The following SCMH1 variants were observed in gnomAD, a reference collection of about 807,000 sequenced individuals.
The protein encoded by SCMH1 is polycomb protein SCMH1.
Under a neutral mutation model 70.8 loss-of-function variants are expected in SCMH1, and 37 were observed. That is an observed-to-expected ratio of 0.52 (90% CI 0.40 to 0.69). The LOEUF is 0.69. Among genes scored for constraint, SCMH1 ranks in the 30% least tolerant of loss-of-function variants. The pLI, the probability that SCMH1 is intolerant of heterozygous loss-of-function variation, is 0.00. For synonymous variants in SCMH1, 292 were observed against 307.4 expected, an observed-to-expected ratio of 0.95 and a Z score of 0.52; for missense variants, 607 against 827.3, an observed-to-expected ratio of 0.73 and a Z score of 3.27.
At chr1:41,037,338 G>C (rs776466589) in intron 13 of SCMH1, 24 bp downstream of exon 13, 2 of 1,607,672 alleles carry the variant, frequency 1.2e-6, no homozygotes, top group African/African-American at 2.7e-5. Context: ...GAGGGAAGGA[G>C]GGCCAGGACT....
chr1:41,218,534 GGAGCAT>G (rs1336656500), intron 1 of SCMH1, among the ~76,000 whole-genome samples: 1 of 152,128 alleles, frequency 6.6e-6, no homozygotes, highest in Non-Finnish European at 1.5e-5. Flanking sequence ...AGTCTCTGAG[GGAGCAT>G]GGCCTAGTTA....
intron 8 of SCMH1, among the ~76,000 whole-genome samples, chr1:41,083,653 A>G (rs1660715398): frequency 6.6e-6 from 1 of 152,358 alleles, no homozygotes; most frequent in South Asian, 2.1e-4. Context: ...ACCAAAAAAG[A>G]GCCCGCATCG....
intron 8 of SCMH1, among the ~76,000 whole-genome samples, chr1:41,110,912 G>A (rs1347763906): frequency 6.6e-6 from 1 of 152,110 alleles, no homozygotes. Flanking sequence ...AGCAATGATC[G>A]AGAATTCCAG....
At chr1:41,160,885 G>C (rs1645961934) in exon 4 of SCMH1, 1 of 1,550,230 alleles carries the variant, frequency 6.5e-7, no homozygotes, top group Admixed American at 2.0e-5. Flanking sequence ...CTAGATCCAG[G>C]ATGTCAGCAG....
chr1:41,047,035 T>C (rs965603880), intron 11 of SCMH1, among the ~76,000 whole-genome samples: 1 of 152,196 alleles, frequency 6.6e-6, no homozygotes, highest in Non-Finnish European at 1.5e-5. Context: ...CAATTTCTGA[T>C]CTACATAAGG....
At chr1:41,203,996 T>G (rs554323496) in intron 1 of SCMH1, among the ~76,000 whole-genome samples, 63 of 152,334 alleles carry the variant, frequency 4.1e-4, no homozygotes, top group Non-Finnish European at 3.5e-4. Context: ...GGTTAGGGTC[T>G]CCCCGACCGA....
chr1:41,111,070 CTGTG>C (rs1266967489), intron 8 of SCMH1, among the ~76,000 whole-genome samples: 1 of 152,176 alleles, frequency 6.6e-6, no homozygotes, highest in Non-Finnish European at 1.5e-5. Flanking sequence ...TATTGGCTAT[CTGTG>C]TATGTTATCT....
intron 6 of SCMH1, among the ~76,000 whole-genome samples, chr1:41,134,820 A>C (rs1323053189): frequency 1.3e-5 from 2 of 152,142 alleles, no homozygotes; most frequent in African/African-American, 4.8e-5. Context: ...TTAAACCATT[A>C]AGTAAAATGT....
chr1:41,070,701 C>T (rs912344150), exon 10 of SCMH1: 2 of 1,613,904 alleles, frequency 1.2e-6, no homozygotes, highest in Non-Finnish European at 8.5e-7. Flanking sequence ...GTGGTGGGTT[C>T]AGCAAAGTCC....
At chr1:41,090,261 A>T (rs764376048) in intron 8 of SCMH1, among the ~76,000 whole-genome samples, 2 of 152,242 alleles carry the variant, frequency 1.3e-5, no homozygotes, top group Admixed American at 6.5e-5. Context: ...TAACACAAAC[A>T]TGTTAACACC....
intron 8 of SCMH1, among the ~76,000 whole-genome samples, chr1:41,090,533 C>CAAA (rs753904360): frequency 7.4e-6 from 1 of 135,674 alleles, no homozygotes; most frequent in African/African-American, 2.7e-5. Flanking sequence ...GATTCTAAAC[C>CAAA]AAAAAAAAAA....
At chr1:41,138,676 G>A (rs567160478) in intron 6 of SCMH1, among the ~76,000 whole-genome samples, 30 of 151,544 alleles carry the variant, frequency 2.0e-4, no homozygotes, top group Non-Finnish European at 3.2e-4. Flanking sequence ...TGTCTATTGT[G>A]CATGTCTAGC....
intron 8 of SCMH1, among the ~76,000 whole-genome samples, chr1:41,109,745 C>A (rs1473663307): frequency 6.6e-6 from 1 of 152,166 alleles, no homozygotes; most frequent in East Asian, 1.9e-4. Flanking sequence ...GGAAAACAGT[C>A]AGCAAACTTC....
At chr1:41,203,333 T>C (rs1654787748) in intron 1 of SCMH1, among the ~76,000 whole-genome samples, 1 of 152,198 alleles carries the variant, frequency 6.6e-6, no homozygotes, top group Non-Finnish European at 1.5e-5. Context: ...TGAATTGAGA[T>C]CCGTTTTTAA....
intron 1 of SCMH1, among the ~76,000 whole-genome samples, chr1:41,216,892 G>T (rs1054130039): frequency 6.6e-6 from 1 of 152,134 alleles, no homozygotes; most frequent in Non-Finnish European, 1.5e-5. Context: ...GAGGCCAGAA[G>T]TCCAAAATCA....
intron 1 of SCMH1, among the ~76,000 whole-genome samples, chr1:41,213,993 A>G (rs1394279985): frequency 6.6e-6 from 1 of 152,162 alleles, no homozygotes; most frequent in Non-Finnish European, 1.5e-5. Flanking sequence ...AGACTACAGA[A>G]AAACCCAACA....
chr1:41,044,704 A>G (rs1646681309), intron 12 of SCMH1, among the ~76,000 whole-genome samples: 1 of 152,102 alleles, frequency 6.6e-6, no homozygotes, highest in Non-Finnish European at 1.5e-5. Flanking sequence ...GCAGAATGTG[A>G]TACCTTGGTC....
chr1:41,195,389 C>T (rs1360398513), intron 1 of SCMH1, among the ~76,000 whole-genome samples: 2 of 151,540 alleles, frequency 1.3e-5, no homozygotes, highest in African/African-American at 2.4e-5. Context: ...GAGGTTTATT[C>T]CCAGAATATA....
intron 4 of SCMH1, among the ~76,000 whole-genome samples, chr1:41,153,172 G>C (rs1481315611): frequency 6.6e-6 from 1 of 152,150 alleles, no homozygotes; most frequent in Admixed American, 6.5e-5. Context: ...GGATTTCCCT[G>C]GATTGAGAAT....
Sources: gnomAD v4.1 joint callset for allele counts (sites outside exome capture counted in the v4.1 genomes callset) on GRCh38, gnomAD v4.1.1 for gene constraint, MANE v1.5 for transcripts, NCBI Gene and HGNC (gene_info 2026-07-23, HGNC 2026-07-21) for gene names.